LIN9: variants seen among roughly 807,000 people sequenced by gnomAD.
LIN9 encodes the protein lin-9 DREAM MuvB core complex component, also known as protein lin-9 homolog.
In LIN9, 18 loss-of-function variants were observed where a neutral mutation model predicts 78.0. That is an observed-to-expected ratio of 0.23 (90% CI 0.16 to 0.34). The LOEUF (loss-of-function observed/expected upper bound fraction) is 0.34. LIN9 is among the 10% of genes least tolerant of loss of function. LIN9 has a pLI of 1.00. For synonymous variants in LIN9, 192 were observed against 215.2 expected (o/e 0.89, Z 0.94); for missense variants, 451 against 644.1 (o/e 0.70, Z 3.25).
intron 11 of LIN9, among the ~76,000 whole-genome samples, chr1:226,248,643 A>G (rs967788609): frequency 3.3e-5 from 5 of 152,228 alleles, no homozygotes; most frequent in Non-Finnish European, 7.3e-5. Flanking sequence ...CAATCATTTT[A>G]AAAGATAAGC....
intron 4 of LIN9, among the ~76,000 whole-genome samples, chr1:226,295,188 G>A (rs906856768): frequency 2.0e-5 from 3 of 151,946 alleles, no homozygotes; most frequent in South Asian, 2.1e-4. Flanking sequence ...AGTGGCTCAC[G>A]ACTGTAATCC....
At chr1:226,279,059 G>A (rs1252058197) in intron 6 of LIN9, among the ~76,000 whole-genome samples, 24 of 152,098 alleles carry the variant, frequency 1.6e-4, no homozygotes, top group Admixed American at 6.5e-5. Context: ...TACTTGGGAG[G>A]CTGAGGCAGG....
chr1:226,290,319 G>T (rs1661670808), intron 4 of LIN9, among the ~76,000 whole-genome samples: 2 of 150,898 alleles, frequency 1.3e-5, no homozygotes, highest in South Asian at 4.2e-4. Context: ...ACTAAAACAA[G>T]TGAGAGGCTA....
intron 6 of LIN9, among the ~76,000 whole-genome samples, chr1:226,278,619 T>C (rs1576330015): frequency 7.4e-6 from 1 of 134,682 alleles, no homozygotes; most frequent in Non-Finnish European, 1.6e-5. Flanking sequence ...AGGTCAGGAG[T>C]TCGAGACTAA....
chr1:226,308,049 T>A (rs984866304), intron 1 of LIN9, among the ~76,000 whole-genome samples: 1 of 152,246 alleles, frequency 6.6e-6, no homozygotes, highest in Non-Finnish European at 1.5e-5. Context: ...GGTAGTATGT[T>A]GAGTCCTCAT....
chr1:226,306,523 A>G (rs1225390675), intron 1 of LIN9, among the ~76,000 whole-genome samples: 1 of 152,182 alleles, frequency 6.6e-6, no homozygotes, highest in South Asian at 2.1e-4. Flanking sequence ...CAGGCAAGAG[A>G]TATCAAGAAA....
intron 12 of LIN9, 58 bp downstream of exon 12, chr1:226,238,913 A>G (rs1392146585): frequency 6.5e-7 from 1 of 1,546,106 alleles, no homozygotes; most frequent in Non-Finnish European, 8.8e-7. Flanking sequence ...AAAGTGTGAA[A>G]GTAAAAGGAT....
chr1:226,289,802 A>G (rs1362543822), intron 4 of LIN9, among the ~76,000 whole-genome samples: 5 of 121,264 alleles, frequency 4.1e-5, no homozygotes, highest in Non-Finnish European at 1.6e-5. Flanking sequence ...GGATTACCCA[A>G]TAAATGTTAC....
intron 4 of LIN9, among the ~76,000 whole-genome samples, chr1:226,289,853 G>C (rs1195997515): frequency 4.0e-5 from 3 of 75,628 alleles, no homozygotes; most frequent in Non-Finnish European, 8.3e-5. Context: ...GGGTGGGGGG[G>C]GGTGGGAAAG....
At chr1:226,275,889 G>A (rs1009898907) in intron 7 of LIN9, among the ~76,000 whole-genome samples, 1 of 151,838 alleles carries the variant, frequency 6.6e-6, no homozygotes, top group East Asian at 1.9e-4. Flanking sequence ...TTAGCCAGGC[G>A]TGGTGGCGGG....
In LIN9 at chr1:226,297,714, C is replaced by T. The variant is rs371004865; in HGVS notation, c.159+5G>A. 16 of 1,557,578 alleles carry T rather than the reference C, an allele frequency of 1.0e-5. No homozygotes were observed. In the African/African-American group the frequency reaches 1.1e-4, roughly 11 times the overall value. On this transcript the variant is annotated splice_donor_5th_base_variant and intron_variant, in intron 3 of 14. Coordinates refer to ENST00000681046, the MANE Select transcript of LIN9 (RefSeq NM_001366245.2). ...TCTAAAATGTAAGAAAAACTCACTCCTTACCATTTCCACAGCAGAGCTTGT... is the reference window on the plus strand; with the variant it reads ...TCTAAAATGTAAGAAAAACTCACTCTTTACCATTTCCACAGCAGAGCTTGT...
intron 7 of LIN9, among the ~76,000 whole-genome samples, chr1:226,271,445 A>G (rs1039710665): frequency 1.3e-5 from 2 of 152,216 alleles, no homozygotes; most frequent in African/African-American, 4.8e-5. Flanking sequence ...GTGGTCAGAG[A>G]AATTCTCTAT....
intron 6 of LIN9, among the ~76,000 whole-genome samples, chr1:226,284,490 G>A (rs1431960559): frequency 6.6e-6 from 1 of 152,156 alleles, no homozygotes; most frequent in African/African-American, 2.4e-5. Flanking sequence ...TTGGGAGGCT[G>A]AGGTGGGTGG....
At chr1:226,289,341 T>G (rs1255493110) in intron 4 of LIN9, among the ~76,000 whole-genome samples, 1 of 152,032 alleles carries the variant, frequency 6.6e-6, no homozygotes, top group African/African-American at 2.4e-5. Flanking sequence ...ATTTTGTGTG[T>G]GTGTGTGTGT....
intron 4 of LIN9, among the ~76,000 whole-genome samples, chr1:226,292,836 C>A (rs890501225): frequency 1.4e-4 from 22 of 152,124 alleles, no homozygotes; most frequent in African/African-American, 5.3e-4. Context: ...TGGAGACAGG[C>A]TGCCTGACTG....
chr1:226,250,542 T>G (rs1265124235), intron 11 of LIN9, among the ~76,000 whole-genome samples: 2 of 152,224 alleles, frequency 1.3e-5, no homozygotes, highest in Non-Finnish European at 2.9e-5. Context: ...GTTGTATGTA[T>G]GTATGTATTC....
upstream of LIN9, chr1:226,309,278 T>C: frequency 8.9e-7 from 1 of 1,127,670 alleles, no homozygotes; most frequent in Non-Finnish European, 1.1e-6. Context: ...CGCGGCTGGC[T>C]GAGGCGGGCC....
Position 226,265,463 on chromosome 1 carries a change from T to C in LIN9, c.1038+70A>G. The C allele has an allele frequency of 2.2e-6, 2 of 915,742 alleles. No homozygotes were observed. Among genetic ancestry groups the C allele is most frequent in the South Asian group, 1.6e-5 (1 of 63,260 alleles). The allele number at this position is 915,742 out of a possible 1,614,324, so 56.7% of individuals were successfully genotyped here. A position where few individuals can be genotyped will look rare whatever the true frequency, so the allele number is the denominator to read the frequency against. On this transcript the variant is annotated intron_variant, in intron 10 of 14. Coordinates refer to ENST00000681046, the MANE Select transcript of LIN9 (RefSeq NM_001366245.2). The surrounding 1 kb of genome is among the most constrained non-coding windows in gnomAD (Gnocchi z 4.1). ...AAACCTACACGGCCCTAGAAAAATT[T>C]TCAACTTTAATAACATAAAAGGCAT...
Position 226,309,095 on chromosome 1 carries a change from G to C in LIN9, c.31+14C>G. The C allele has an allele frequency of 7.6e-7, 1 of 1,313,274 alleles. No homozygotes were observed. 81.4% of individuals were successfully genotyped at this position (1,313,274 alleles called of 1,614,324 possible). A position where few individuals can be genotyped will look rare whatever the true frequency, so the allele number is the denominator to read the frequency against. On this transcript the variant is annotated intron_variant, in intron 1 of 14. Coordinates refer to ENST00000681046, the MANE Select transcript of LIN9 (RefSeq NM_001366245.2). Reference sequence around the variant, plus strand: ...AGGCGGGAAAAGGGGGGGGTGCTTTGAGGTGCTACTCACTCTCGTCAGGCA... The same window carrying C: ...AGGCGGGAAAAGGGGGGGGTGCTTTCAGGTGCTACTCACTCTCGTCAGGCA...
Sources: allele counts gnomAD v4.1 joint callset (sites outside exome capture counted in the v4.1 genomes callset), GRCh38; gene constraint gnomAD v4.1.1; non-coding constraint Gnocchi (gnomAD v3.1); transcripts MANE v1.5; gene names NCBI Gene and HGNC (gene_info 2026-07-23, HGNC 2026-07-21).